Variants in GRIK2 observed in about 807,000 individuals in gnomAD.
The protein encoded by GRIK2 is glutamate ionotropic receptor kainate type subunit 2.
A neutral mutation model predicts 100.3 loss-of-function variants in GRIK2; 32 were observed. That is an observed-to-expected ratio of 0.32 (90% CI 0.24 to 0.43). The LOEUF is 0.43. Ranked by LOEUF, GRIK2 falls within the 20% of genes least tolerant of loss-of-function variation. GRIK2 has a pLI of 1.00. For missense variants in GRIK2, 843 were observed against 1,114.9 expected, an observed-to-expected ratio of 0.76 and a Z score of 3.47; for synonymous variants, 417 against 389.4, an observed-to-expected ratio of 1.07 and a Z score of -0.83.
rs757312004 is a variant in GRIK2, at chr6:101,676,726, A to G, written c.645A>G (p.Leu215=). Residue 215 remains leucine (L), a synonymous_variant, in exon 5 of 17, where the codon CTA becomes CTG. Transcript: ENST00000369134. ...ATACAAAGGATGCAAAACCCTTACT[A>G]AAAGAAATGAAAAGAGGCAAGGAGT... is the stretch of plus-strand genomic sequence containing the variant. ...PADTKDAKPL[L]KEMKRGKEFH... is the part of the protein sequence containing the mutation. The G allele has an allele frequency of 6.2e-7, 1 of 1,607,738 alleles. No individual in the cohort carries two copies. Among genetic ancestry groups the G allele is most frequent in the East Asian group, 2.2e-5 (1 of 44,578 alleles).
intron 2 of GRIK2, among the ~76,000 whole-genome samples, chr6:101,522,669 A>G (rs1369274229): frequency 6.6e-6 from 1 of 152,040 alleles, no homozygotes; most frequent in Non-Finnish European, 1.5e-5. Flanking sequence ...TGCATAAATG[A>G]AACATTTTCT....
At chr6:101,991,831 C>T (rs186934375) in intron 14 of GRIK2, among the ~76,000 whole-genome samples, 1 of 151,584 alleles carries the variant, frequency 6.6e-6, no homozygotes, top group East Asian at 1.9e-4. Flanking sequence ...TTTCCTCTTG[C>T]TTCTTTAGCA....
intron 7 of GRIK2, among the ~76,000 whole-genome samples, chr6:101,732,000 A>C (rs754227020): frequency 1.1e-4 from 17 of 152,102 alleles, no homozygotes; most frequent in Non-Finnish European, 2.2e-4. Context: ...TCATTTTCAA[A>C]TGAGTAGTGA....
chr6:101,722,237 A>G (rs1001161251), intron 7 of GRIK2, among the ~76,000 whole-genome samples: 2 of 151,974 alleles, frequency 1.3e-5, no homozygotes, highest in Non-Finnish European at 2.9e-5. Flanking sequence ...TTTATTGGTT[A>G]CTTATACCAG....
intron 12 of GRIK2, among the ~76,000 whole-genome samples, chr6:101,922,661 C>A (rs1009024599): frequency 2.6e-5 from 4 of 152,056 alleles, no homozygotes; most frequent in African/African-American, 9.7e-5. Context: ...TGGGTTAGGT[C>A]TTCCTATTTT....
intron 14 of GRIK2, among the ~76,000 whole-genome samples, chr6:102,011,822 G>A (rs1238254434): frequency 6.6e-6 from 1 of 151,740 alleles, no homozygotes; most frequent in Admixed American, 6.6e-5. Flanking sequence ...TCCTGACCTC[G>A]TGATCCACCC....
intron 4 of GRIK2, among the ~76,000 whole-genome samples, chr6:101,627,446 ATATT>A (rs1430303864): frequency 6.6e-6 from 1 of 152,080 alleles, no homozygotes; most frequent in Non-Finnish European, 1.5e-5. Flanking sequence ...CCATTCTGAA[ATATT>A]TATTTAAAGA....
chr6:101,531,162 C>A (rs188305988), intron 2 of GRIK2, among the ~76,000 whole-genome samples: 8 of 152,034 alleles, frequency 5.3e-5, no homozygotes, highest in Non-Finnish European at 1.2e-4. Flanking sequence ...CTGATAAACC[C>A]ATTAGAAATA....
At chr6:101,861,108 T>G (rs1194229947) in intron 11 of GRIK2, among the ~76,000 whole-genome samples, 1 of 152,184 alleles carries the variant, frequency 6.6e-6, no homozygotes, top group South Asian at 2.1e-4. Context: ...TTAAACACTT[T>G]GAAACTTAAC....
chr6:101,676,497 T>C lies in GRIK2; in HGVS notation c.542-126T>C, dbSNP rs889499485. The C allele has an allele frequency of 1.2e-5, 7 of 589,988 alleles. No homozygotes were observed. The Admixed American group carries it at 2.2e-4, about 18-fold the overall frequency. The allele number at this position is 589,988 out of a possible 1,614,324, so 36.5% of individuals were successfully genotyped here. On this transcript the variant is annotated intron_variant, in intron 4 of 16. Coordinates refer to ENST00000369134, the MANE Select transcript of GRIK2 (RefSeq NM_021956.5). ...ATGTAGTTTATAATATACAAACCTA[T>C]GTAACCACAAAAATTAAAATGAAAT... is the stretch of plus-strand genomic sequence containing the variant.
At chr6:101,422,598 A>T (rs1776462882) in intron 2 of GRIK2, among the ~76,000 whole-genome samples, 1 of 152,086 alleles carries the variant, frequency 6.6e-6, no homozygotes, top group South Asian at 2.1e-4. Context: ...TTAAAATTTC[A>T]TTGAGAATAT....
chr6:101,550,251 A>G (rs961434117), intron 2 of GRIK2, among the ~76,000 whole-genome samples: 7 of 152,208 alleles, frequency 4.6e-5, no homozygotes, highest in African/African-American at 1.7e-4. Context: ...CTTGAAAACT[A>G]CATTCATTGA....
At position 101,558,750 on chromosome 6, in the gene GRIK2, A is replaced by G. The variant is rs181616914; in HGVS notation, c.116-63199A>G. Among the ~76,000 whole-genome samples the G allele has an allele frequency of 2.7e-5, 4 of 145,930 alleles. No individual in the cohort carries two copies. The South Asian group carries it at 6.4e-4, about 24-fold the overall frequency. On this transcript the variant is annotated intron_variant, in intron 2 of 16. Transcript: ENST00000369134. ...TTCTTCTTTCATGTGAAGTCATTCT[A>G]TGTTCTGTCCCAAGTGATATTGTCT...
intron 12 of GRIK2, among the ~76,000 whole-genome samples, chr6:101,909,981 T>G (rs1221597669): frequency 9.1e-6 from 1 of 109,884 alleles, no homozygotes; most frequent in African/African-American, 3.5e-5. Context: ...TGAGAACAGA[T>G]AAACTGATAG....
intron 9 of GRIK2, among the ~76,000 whole-genome samples, chr6:101,816,461 C>A (rs938577718): frequency 2.6e-5 from 4 of 152,086 alleles, no homozygotes; most frequent in African/African-American, 4.8e-5. Context: ...GCAGGCGGAC[C>A]ATGAGGTCAA....
chr6:101,419,172 G>C (rs1264467555), intron 2 of GRIK2, among the ~76,000 whole-genome samples: 2 of 152,024 alleles, frequency 1.3e-5, no homozygotes, highest in Non-Finnish European at 2.9e-5. Flanking sequence ...GTTTTATTTA[G>C]TTTTCTTACT....
At chr6:101,616,114 C>T (rs1028903263) in intron 2 of GRIK2, among the ~76,000 whole-genome samples, 3 of 151,710 alleles carry the variant, frequency 2.0e-5, no homozygotes, top group African/African-American at 7.2e-5. Flanking sequence ...CTAATGCCTT[C>T]TCTTTTCTAC....
chr6:101,827,550 C>T (rs777830992), intron 10 of GRIK2, among the ~76,000 whole-genome samples: 2 of 151,316 alleles, frequency 1.3e-5, no homozygotes, highest in Non-Finnish European at 3.0e-5. Flanking sequence ...TGTAATGACA[C>T]CCATAGACTC....
intron 12 of GRIK2, among the ~76,000 whole-genome samples, chr6:101,900,920 T>TA (rs1359413092): frequency 6.6e-6 from 1 of 151,278 alleles, no homozygotes; most frequent in African/African-American, 2.4e-5. Context: ...TTTTTTTTCT[T>TA]AAAAAAAGCA....
Sources: gnomAD v4.1 joint callset for allele counts (sites outside exome capture counted in the v4.1 genomes callset) on GRCh38, gnomAD v4.1.1 for gene constraint, MANE v1.5 for transcripts, NCBI Gene and HGNC (gene_info 2026-07-23, HGNC 2026-07-21) for gene names.